The following RAB38 variants were observed in gnomAD, a reference collection of about 807,000 sequenced individuals.
RAB38 encodes ras-related protein Rab-38.
RAB38 carries 15 observed loss-of-function variants against 18.4 expected under a neutral mutation model. The ratio of observed to expected loss-of-function variants is 0.82; its 90% confidence interval spans 0.55 to 1.26. The LOEUF is 1.26. Among genes scored for constraint, RAB38 ranks in the 50% most tolerant of loss-of-function variants. The pLI is 0.00. For missense variants in RAB38, 294 were observed against 267.4 expected (o/e 1.10, Z -0.69); for synonymous variants, 101 against 104.4 (o/e 0.97, Z 0.20).
At chr11:87,947,473 T>C in the RAB38 span, among the ~76,000 whole-genome samples, 1 of 152,224 alleles carries the variant, frequency 6.6e-6, no homozygotes, top group Non-Finnish European at 1.5e-5. Context: ...CATGCCTATG[T>C]CCTGAATGGT....
chr11:87,974,312 G>A, the RAB38 span, among the ~76,000 whole-genome samples: 1 of 150,918 alleles, frequency 6.6e-6, no homozygotes, highest in Non-Finnish European at 1.5e-5. Flanking sequence ...AAATGGAAAT[G>A]AAAACTACAA....
chr11:87,834,630 G>A, the RAB38 span, among the ~76,000 whole-genome samples: 4 of 152,264 alleles, frequency 2.6e-5, no homozygotes, highest in African/African-American at 9.6e-5. Flanking sequence ...TCAGTTGAGG[G>A]AAGGATTTAG....
At chr11:88,072,018 A>G in the RAB38 span, among the ~76,000 whole-genome samples, 4 of 152,206 alleles carry the variant, frequency 2.6e-5, no homozygotes, top group East Asian at 7.7e-4. Context: ...TACATACACA[A>G]TGTCCAATAT....
rs1942609848 is a variant in RAB38, at chr11:88,119,982, A to G, written c.484-5842T>C. On this transcript the variant is annotated intron_variant, in intron 2 of 2. Coordinates refer to ENST00000243662, the MANE Select transcript of RAB38 (RefSeq NM_022337.3). ...GTGGCAAAGATTTTGCTAGCTTTCTATTAATCATCATTAACACCTAACATG... is the reference window on the plus strand; with the variant it reads ...GTGGCAAAGATTTTGCTAGCTTTCTGTTAATCATCATTAACACCTAACATG... 2.0e-5 allele frequency among the ~76,000 whole-genome samples: 3 copies of G among 152,330 alleles called. No individual in the cohort carries two copies. In the South Asian group the frequency reaches 6.2e-4, roughly 32 times the overall value.
the RAB38 span, among the ~76,000 whole-genome samples, chr11:87,854,308 G>A: frequency 9.9e-5 from 15 of 152,106 alleles, no homozygotes; most frequent in Admixed American, 3.3e-4. Flanking sequence ...TAGAAATGTG[G>A]TATTCTATTA....
the RAB38 span, among the ~76,000 whole-genome samples, chr11:88,025,362 G>T: frequency 6.6e-6 from 1 of 151,992 alleles, no homozygotes; most frequent in East Asian, 1.9e-4. Flanking sequence ...GTGTCTTTTT[G>T]GTAGAATGAT....
At chr11:88,005,682 T>G in the RAB38 span, among the ~76,000 whole-genome samples, 3 of 149,996 alleles carry the variant, frequency 2.0e-5, no homozygotes, top group African/African-American at 4.9e-5. Flanking sequence ...CCTAGAGCAA[T>G]GTCTTGGAGC....
chr11:88,026,685 T>C, the RAB38 span, among the ~76,000 whole-genome samples: 5 of 151,954 alleles, frequency 3.3e-5, no homozygotes, highest in African/African-American at 9.7e-5. Flanking sequence ...GCCGTTTTCT[T>C]CTAAAATTCT....
At chr11:88,028,773 A>T in the RAB38 span, among the ~76,000 whole-genome samples, 1 of 152,222 alleles carries the variant, frequency 6.6e-6, no homozygotes, top group Admixed American at 6.5e-5. Flanking sequence ...TGAAAGTGAC[A>T]GGGAGAATGG....
intron 2 of RAB38, among the ~76,000 whole-genome samples, chr11:88,143,856 C>T (rs1293248834): frequency 1.3e-5 from 2 of 152,214 alleles, no homozygotes; most frequent in Middle Eastern, 3.4e-3. Context: ...ATCTTAGTCA[C>T]GGGTGGATCT....
the RAB38 span, among the ~76,000 whole-genome samples, chr11:87,855,125 T>G: frequency 6.6e-6 from 1 of 152,170 alleles, no homozygotes; most frequent in Non-Finnish European, 1.5e-5. Flanking sequence ...ATGAGCCTAT[T>G]GAAGTTGTGA....
chr11:87,942,235 T>C, the RAB38 span, among the ~76,000 whole-genome samples: 1 of 152,204 alleles, frequency 6.6e-6, no homozygotes, highest in Admixed American at 6.6e-5. Context: ...TTCCAGATTT[T>C]GTCCAGTAGG....
At chr11:88,168,973 T>C (rs551036100) in intron 1 of RAB38, among the ~76,000 whole-genome samples, 2 of 152,228 alleles carry the variant, frequency 1.3e-5, no homozygotes, top group Non-Finnish European at 2.9e-5. Context: ...CTATAGCCAA[T>C]AGAAAAGAAA....
At chr11:87,961,294 C>T in the RAB38 span, among the ~76,000 whole-genome samples, 7 of 152,138 alleles carry the variant, frequency 4.6e-5, no homozygotes, top group Middle Eastern at 3.2e-3. Flanking sequence ...AACCTCAGAA[C>T]ATCATGACCC....
At chr11:88,076,984 G>GAAAAGAAAAGAAAAGAAAAGAAAAGA in the RAB38 span, among the ~76,000 whole-genome samples, 62 of 63,650 alleles carry the variant, frequency 9.7e-4, no homozygotes, top group African/African-American at 2.5e-3. Context: ...AAGAAAGAAA[G>GAAAAGAAAAGAAAAGAAAAGAAAAGA]AAAGAAAAGA....
At chr11:88,127,233 T>C (rs1488741795) in intron 2 of RAB38, among the ~76,000 whole-genome samples, 1 of 152,158 alleles carries the variant, frequency 6.6e-6, no homozygotes, top group Non-Finnish European at 1.5e-5. Context: ...CTGGAATGCA[T>C]GAGGGGAACT....
At chr11:87,894,190 T>C in the RAB38 span, among the ~76,000 whole-genome samples, 1 of 151,784 alleles carries the variant, frequency 6.6e-6, no homozygotes, top group African/African-American at 2.4e-5. Context: ...GTAAATGGGA[T>C]TGTTTTCTTT....
At chr11:87,855,819 A>G in the RAB38 span, among the ~76,000 whole-genome samples, 1 of 150,702 alleles carries the variant, frequency 6.6e-6, no homozygotes, top group Admixed American at 6.6e-5. Flanking sequence ...AACATAAATA[A>G]TTCTGACAGT....
At chr11:87,809,686 C>T in the RAB38 span, among the ~76,000 whole-genome samples, 2 of 36,920 alleles carry the variant, frequency 5.4e-5, no homozygotes, top group Non-Finnish European at 1.2e-4. Flanking sequence ...CAGTTGAAAG[C>T]TCTGAAAAAA....
Sources: gnomAD v4.1 joint callset for allele counts (sites outside exome capture counted in the v4.1 genomes callset) on GRCh38, gnomAD v4.1.1 for gene constraint, MANE v1.5 for transcripts, NCBI Gene and HGNC (gene_info 2026-07-23, HGNC 2026-07-21) for gene names.